Variants in CHD5 observed in about 807,000 individuals in gnomAD.
CHD5 encodes the protein chromodomain helicase DNA binding protein 5.
Under a neutral mutation model 230.3 loss-of-function variants are expected in CHD5, and 69 were observed. The ratio of observed to expected loss-of-function variants is 0.30; its 90% CI spans 0.25 to 0.37. The LOEUF is 0.37. Among genes scored for constraint, CHD5 ranks in the 10% least tolerant of loss-of-function variants. The pLI is 1.00. For missense variants in CHD5, 1,827 were observed against 2,622.8 expected (o/e 0.70, Z 6.63); for synonymous variants, 1,064 against 1,065.9 (o/e 1.00, Z 0.03).
intron 20 of CHD5, among the ~76,000 whole-genome samples, chr1:6,133,762 C>T (rs1294100322): frequency 6.6e-6 from 1 of 152,226 alleles, no homozygotes; most frequent in Non-Finnish European, 1.5e-5. Flanking sequence ...GTGCCAGTGG[C>T]CCCTCAGGGC....
chr1:6,142,247 G>A lies in CHD5; in HGVS notation c.2317C>T (p.Pro773Ser). The A allele has an allele frequency of 1.2e-6, 2 of 1,614,100 alleles. No homozygotes were observed. The highest frequency in any genetic ancestry group is 1.1e-5 in the South Asian group (1 of 91,090). The change falls in exon 15 of 42, where the codon CCC (proline) becomes TCC (serine). Residue 773 changes from proline (P) to serine (S), a missense_variant. By Grantham distance (74) the Pro-to-Ser change is moderately conservative. Coordinates refer to ENST00000262450, the MANE Select transcript of CHD5 (RefSeq NM_015557.3). This position sits in a 1 kb window ranked among gnomAD's most constrained non-coding sequence, Gnocchi z 5.2. Reference sequence around the variant, plus strand: ...GTGTAGGTGACCACGTAGAAGTCGGGCGCCCACATCTCAAACTCGCGTTCC... The same window carrying A: ...GTGTAGGTGACCACGTAGAAGTCGGACGCCCACATCTCAAACTCGCGTTCC... ...NWEREFEMWAPDFYVVTYTGD... is the reference protein window; with the variant it reads ...NWEREFEMWASDFYVVTYTGD...
In CHD5 at chr1:6,112,206, C is replaced by T. The variant is rs185660854; in HGVS notation, c.5074G>A (p.Gly1692Arg). Residue 1692 changes from glycine to arginine, a missense_variant, in exon 35 of 42, where the codon GGG (glycine) becomes AGG (arginine). Gly to Arg is a moderately radical substitution (Grantham distance 125). Around this residue, in one of 14 missense-constraint regions of CHD5, gnomAD observed 272 missense variants for 263.2 expected, o/e 1.03. Coordinates refer to ENST00000262450, the MANE Select transcript of CHD5 (RefSeq NM_015557.3). ...TTCCCCTTCTTGTCCTCCTTCTTCCCCTCGTCATCTTCCTCTTTGTCACCA... is the reference window on the plus strand; with the variant it reads ...TTCCCCTTCTTGTCCTCCTTCTTCCTCTCGTCATCTTCCTCTTTGTCACCA... The part of the protein sequence containing the change: ...QNGDKEEDDE[G>R]KKEDKKGKFK... 3 of 1,614,136 alleles carry T rather than the reference C, an allele frequency of 1.9e-6. No individual in the cohort carries two copies. Among genetic ancestry groups the T allele is most frequent in the Non-Finnish European group, 1.7e-6 (2 of 1,180,018 alleles).
intron 1 of CHD5, among the ~76,000 whole-genome samples, chr1:6,175,670 G>A (rs138033769): frequency 1.1e-3 from 166 of 150,956 alleles, no homozygotes; most frequent in African/African-American, 3.5e-3. Flanking sequence ...TGGATAAGAA[G>A]AACAAGAACA....
At chr1:6,141,319 A>G (rs1430602921) in intron 15 of CHD5, among the ~76,000 whole-genome samples, 1 of 148,760 alleles carries the variant, frequency 6.7e-6, no homozygotes, top group African/African-American at 2.5e-5. Flanking sequence ...AATAATAATA[A>G]TAATAATTAG....
In CHD5 at chr1:6,103,862, AAT is replaced by A. The variant is rs1666114670; in HGVS notation, c.*1610_*1611del. On this transcript the variant is annotated 3_prime_UTR_variant, in exon 42 of 42. Coordinates refer to ENST00000262450, the MANE Select transcript of CHD5 (RefSeq NM_015557.3). ...ATATAGGGCTTAGGGAGGGCCAGGC[AAT>A]CGCTCCAGTGTCTGCAACACAAGCT... The A allele has an allele frequency of 2.0e-5, 3 of 151,762 alleles. No individual in the cohort carries two copies. Among genetic ancestry groups the A allele is most frequent in the Admixed American group, 2.0e-4 (3 of 15,248 alleles). The allele number at this position is 151,762 out of a possible 1,614,324, so 9.4% of individuals were successfully genotyped here.
chr1:6,133,997 C>G (rs1283208767), intron 20 of CHD5, 131 bp downstream of exon 20: 2 of 846,726 alleles, frequency 2.4e-6, no homozygotes, highest in Non-Finnish European at 3.7e-6. Flanking sequence ...CCCTGACACA[C>G]AGTCACATGA....
At chr1:6,119,942 C>T (rs998169785) in intron 33 of CHD5, among the ~76,000 whole-genome samples, 2 of 151,782 alleles carry the variant, frequency 1.3e-5, no homozygotes, top group African/African-American at 4.8e-5. Context: ...CTCACTGCAA[C>T]CTCTGCCTCC....
intron 2 of CHD5, among the ~76,000 whole-genome samples, chr1:6,164,420 C>G (rs1290586899): frequency 6.6e-6 from 1 of 152,246 alleles, no homozygotes; most frequent in African/African-American, 2.4e-5. Flanking sequence ...CTCCCTCCTG[C>G]GCTCGCTAGG....
At position 6,174,091 on chromosome 1, in the gene CHD5, GGGA is replaced by G. The variant is rs1036448003; in HGVS notation, c.80-5817_80-5815del. Among the ~76,000 whole-genome samples the G allele has an allele frequency of 3.3e-5, 5 of 151,958 alleles. No homozygotes were observed. The South Asian group carries it at 8.3e-4, about 25-fold the overall frequency. Reference sequence around the variant, plus strand: ...CAGGGAGAGGCCCAGGGCATGGGTGGGGAGGAGGAGGACAGAATGGTGAGAGGG... The same window carrying G: ...CAGGGAGAGGCCCAGGGCATGGGTGGGGAGGAGGACAGAATGGTGAGAGGG... On this transcript the variant is annotated intron_variant, in intron 1 of 41. Transcript: ENST00000262450.
intron 15 of CHD5, among the ~76,000 whole-genome samples, chr1:6,141,327 T>G (rs1368725395): frequency 6.8e-6 from 1 of 146,020 alleles, no homozygotes; most frequent in Non-Finnish European, 1.5e-5. Context: ...TAATAATAAT[T>G]AGTTGGGGCC....
In CHD5 at chr1:6,167,947, C is replaced by T. The variant is rs1160076849; in HGVS notation, c.207+203G>A. Among the ~76,000 whole-genome samples the T allele has an allele frequency of 3.3e-5, 5 of 152,192 alleles. No individual in the cohort carries two copies. In the South Asian group the frequency reaches 8.3e-4, roughly 25 times the overall value. On this transcript the variant is annotated intron_variant, in intron 2 of 41. Transcript: ENST00000262450. The surrounding 1 kb of genome is among the most constrained non-coding windows in gnomAD (Gnocchi z 4.5). ...ACGCTCCGACATCCTGCTCCGGAAA[C>T]AGGACAGCTCAGCAACGTCTTAAAA... is the stretch of plus-strand genomic sequence containing the variant.
At chr1:6,179,102 G>A (rs1030979791) in intron 1 of CHD5, among the ~76,000 whole-genome samples, 1 of 152,248 alleles carries the variant, frequency 6.6e-6, no homozygotes, top group Admixed American at 6.5e-5. Flanking sequence ...TGTCCCGCAA[G>A]GCAACCCCTG....
chr1:6,126,363 C>T lies in CHD5; in HGVS notation c.4078+209G>A, dbSNP rs1352887565. Among the ~76,000 whole-genome samples the T allele has an allele frequency of 6.7e-6, 1 of 150,290 alleles. No homozygotes were observed. The highest frequency in any genetic ancestry group is 3.4e-3 in the Middle Eastern group (1 of 294). Reference sequence around the variant, plus strand: ...ACTCGCCCAGCTCTCCCGGCCCGCACCTCCCGGGGGTTCTGCACAGGGATG... The same window carrying T: ...ACTCGCCCAGCTCTCCCGGCCCGCATCTCCCGGGGGTTCTGCACAGGGATG... On this transcript the variant is annotated intron_variant, in intron 26 of 41. Transcript: ENST00000262450. This position sits in a 1 kb window ranked among gnomAD's most constrained non-coding sequence, Gnocchi z 5.7.
At chr1:6,115,854 T>C (rs1405590978) in intron 33 of CHD5, among the ~76,000 whole-genome samples, 1 of 152,162 alleles carries the variant, frequency 6.6e-6, no homozygotes, top group Admixed American at 6.5e-5. Flanking sequence ...TGAGTGCTGT[T>C]TTAAGCCACT....
At chr1:6,150,984 A>C in intron 7 of CHD5, 48 bp downstream of exon 7, 1 of 1,465,372 alleles carries the variant, frequency 6.8e-7, no homozygotes, top group African/African-American at 1.4e-5. Context: ...CTCGTGCCCC[A>C]CTACATCCAC....
chr1:6,144,848 G>A (rs1179498335), intron 11 of CHD5, among the ~76,000 whole-genome samples: 2 of 152,230 alleles, frequency 1.3e-5, no homozygotes, highest in Non-Finnish European at 1.5e-5. Context: ...GCGGGCCTGG[G>A]AACATTAAGA....
intron 33 of CHD5, among the ~76,000 whole-genome samples, chr1:6,114,927 T>A (rs1400404981): frequency 1.3e-5 from 2 of 148,430 alleles, no homozygotes; most frequent in Non-Finnish European, 3.0e-5. Context: ...GGCAGGAGAA[T>A]CACTTGAACC....
At position 6,123,956 on chromosome 1, in the gene CHD5, CCCAGCGGGGCTGGCAGGA is replaced by C. The variant is rs774161269; in HGVS notation, c.4673_4690del (p.Leu1558_Gly1564delinsArg). 32 of 1,569,590 alleles carry C rather than the reference CCCAGCGGGGCTGGCAGGA, an allele frequency of 2.0e-5. No homozygotes were observed. The highest frequency in any genetic ancestry group is 2.7e-5 in the Non-Finnish European group (31 of 1,161,294). ...CCGCCCAGCCCACAGACCTGGCAGG[CCCAGCGGGGCTGGCAGGA>C]GGTGGGCAGGGCTGGCGGGCACTGG... On this transcript the variant is annotated inframe_deletion, in exon 31 of 42. Coordinates refer to ENST00000262450, the MANE Select transcript of CHD5 (RefSeq NM_015557.3).
In CHD5 at chr1:6,125,429, G is replaced by T; in HGVS notation, c.4260+95C>A. On this transcript the variant is annotated intron_variant, in intron 28 of 41. Transcript: ENST00000262450. The surrounding 1 kb of genome is among the most constrained non-coding windows in gnomAD (Gnocchi z 6.7). The stretch of plus-strand genomic sequence containing the variant: ...TCTGTCCAAGCTCCGCCTCTACCTG[G>T]CATGAGACCCGGGGCAGTCCCCCAG... 1 of 1,378,840 alleles carries T rather than the reference G, an allele frequency of 7.3e-7. No individual in the cohort carries two copies. The highest frequency in any genetic ancestry group is 1.0e-6 in the Non-Finnish European group (1 of 999,652). The allele number at this position is 1,378,840 out of a possible 1,614,324, so 85.4% of individuals were successfully genotyped here.
Sources: gnomAD v4.1 joint callset for allele counts (sites outside exome capture counted in the v4.1 genomes callset) on GRCh38, gnomAD v4.1.1 for gene constraint, gnomAD v4.1.1 regional missense constraint, Gnocchi (gnomAD v3.1) non-coding constraint, MANE v1.5 for transcripts, NCBI Gene and HGNC (gene_info 2026-07-23, HGNC 2026-07-21) for gene names.